HMBOX1: variants seen among roughly 807,000 people sequenced by gnomAD.
HMBOX1 encodes the protein homeobox containing 1, also known as homeobox-containing protein 1.
A neutral mutation model predicts 54.5 loss-of-function variants in HMBOX1; 14 were observed. The ratio of observed to expected loss-of-function variants is 0.26; its 90% CI spans 0.17 to 0.40. The LOEUF (loss-of-function observed/expected upper bound fraction) is 0.40. Among genes scored for constraint, HMBOX1 ranks in the 10% least tolerant of loss-of-function variants. The pLI is 1.00. For missense variants in HMBOX1, 332 were observed against 514.4 expected (o/e 0.65, Z 3.43); for synonymous variants, 160 against 181.0 (o/e 0.88, Z 0.93).
chr8:28,922,346 T>C (rs1817699256), intron 1 of HMBOX1, among the ~76,000 whole-genome samples: 1 of 152,212 alleles, frequency 6.6e-6, no homozygotes, highest in African/African-American at 2.4e-5. Flanking sequence ...TGGATTTTGA[T>C]GTCTGTGGGG....
intron 6 of HMBOX1, among the ~76,000 whole-genome samples, chr8:29,021,105 T>C (rs1205362241): frequency 2.0e-5 from 3 of 152,066 alleles, no homozygotes; most frequent in Admixed American, 6.5e-5. Flanking sequence ...AGCCCAGGAG[T>C]TTGAGGTTAC....
chr8:29,002,294 G>A (rs77596573), intron 4 of HMBOX1, among the ~76,000 whole-genome samples: 4,641 of 152,206 alleles, frequency 0.03, 252 homozygotes, highest in African/African-American at 0.11. Context: ...GGTATCTGTG[G>A]GTGGGGCAGT....
At chr8:29,027,549 G>T (rs2133124106) in intron 6 of HMBOX1, among the ~76,000 whole-genome samples, 1 of 152,266 alleles carries the variant, frequency 6.6e-6, no homozygotes, top group South Asian at 2.1e-4. Flanking sequence ...CCTGGCTATT[G>T]CACCTATTCT....
intron 4 of HMBOX1, among the ~76,000 whole-genome samples, chr8:28,987,284 C>A (rs748822702): frequency 2.0e-5 from 3 of 152,114 alleles, no homozygotes; most frequent in Non-Finnish European, 2.9e-5. Context: ...TGGGGAAAAG[C>A]CTGTACTTAG....
intron 3 of HMBOX1, among the ~76,000 whole-genome samples, chr8:28,972,025 A>G (rs1005867566): frequency 5.3e-5 from 8 of 152,246 alleles, no homozygotes; most frequent in African/African-American, 1.2e-4. Context: ...GATATGTCCA[A>G]TAGTACCACA....
intron 1 of HMBOX1, among the ~76,000 whole-genome samples, chr8:28,933,626 G>A (rs910886835): frequency 2.0e-5 from 3 of 152,118 alleles, no homozygotes; most frequent in Non-Finnish European, 4.4e-5. Flanking sequence ...TATTACTGCA[G>A]AATCTACAAA....
At chr8:28,904,985 C>G (rs1814003660) in intron 1 of HMBOX1, among the ~76,000 whole-genome samples, 1 of 152,146 alleles carries the variant, frequency 6.6e-6, no homozygotes, top group Non-Finnish European at 1.5e-5. Flanking sequence ...TCTTCACACT[C>G]TTATTTTGTT....
intron 4 of HMBOX1, among the ~76,000 whole-genome samples, chr8:28,986,727 C>G (rs771815320): frequency 1.3e-5 from 2 of 152,108 alleles, no homozygotes; most frequent in African/African-American, 4.8e-5. Flanking sequence ...TGTTTTGCAG[C>G]CTCAGGGGAA....
At chr8:28,934,846 G>T (rs1253068848) in intron 1 of HMBOX1, among the ~76,000 whole-genome samples, 1 of 150,900 alleles carries the variant, frequency 6.6e-6, no homozygotes, top group Non-Finnish European at 1.5e-5. Flanking sequence ...AGAATGGCGT[G>T]AACCCGGGAG....
chr8:29,040,128 C>T (rs1804604733), intron 6 of HMBOX1, among the ~76,000 whole-genome samples: 1 of 152,292 alleles, frequency 6.6e-6, no homozygotes, highest in East Asian at 1.9e-4. Context: ...AGAGATATCA[C>T]TCTTTTCTGA....
intron 6 of HMBOX1, among the ~76,000 whole-genome samples, chr8:29,036,643 T>A (rs1803921464): frequency 6.6e-6 from 1 of 152,192 alleles, no homozygotes; most frequent in Non-Finnish European, 1.5e-5. Flanking sequence ...TTCCAGGAAC[T>A]CTTGTGAAAT....
At chr8:28,966,238 G>T (rs80001782) in intron 2 of HMBOX1, among the ~76,000 whole-genome samples, 2,917 of 152,256 alleles carry the variant, frequency 0.019, 89 homozygotes, top group African/African-American at 0.067. Context: ...AAAATGTATT[G>T]TGAAAAGTTA....
intron 6 of HMBOX1, among the ~76,000 whole-genome samples, chr8:29,026,938 T>C (rs1473596845): frequency 6.6e-6 from 1 of 152,178 alleles, no homozygotes; most frequent in East Asian, 1.9e-4. Flanking sequence ...AAAATGGTTG[T>C]TAATTGTTGA....
At chr8:28,905,121 G>A (rs1446001076) in intron 1 of HMBOX1, among the ~76,000 whole-genome samples, 1 of 152,202 alleles carries the variant, frequency 6.6e-6, no homozygotes, top group African/African-American at 2.4e-5. Flanking sequence ...AAGCATCCTT[G>A]TCAGTTTGTT....
At chr8:28,950,316 G>C (rs372073552) in intron 1 of HMBOX1, among the ~76,000 whole-genome samples, 27 of 152,228 alleles carry the variant, frequency 1.8e-4, no homozygotes, top group East Asian at 1.7e-3. Flanking sequence ...GCTTATAAAA[G>C]ACTTACATGT....
chr8:29,004,542 C>G (rs576704470), intron 4 of HMBOX1, among the ~76,000 whole-genome samples: 1 of 152,184 alleles, frequency 6.6e-6, no homozygotes, highest in Non-Finnish European at 1.5e-5. Flanking sequence ...TAGCCTGATG[C>G]AGCTGCTCAG....
At chr8:28,915,241 A>G (rs1453639254) in intron 1 of HMBOX1, among the ~76,000 whole-genome samples, 1 of 152,182 alleles carries the variant, frequency 6.6e-6, no homozygotes, top group Non-Finnish European at 1.5e-5. Flanking sequence ...AAAAAGAAAC[A>G]GATGAAATTC....
intron 4 of HMBOX1, among the ~76,000 whole-genome samples, chr8:28,981,171 G>A (rs970342327): frequency 6.6e-6 from 1 of 152,124 alleles, no homozygotes; most frequent in African/African-American, 2.4e-5. Context: ...GAGTTTAGAA[G>A]TCTTATATTT....
rs542620289 is a variant in HMBOX1 at position 28,943,932 on chromosome 8, G to C, written c.-57-19879G>C. 2.0e-5 allele frequency among the ~76,000 whole-genome samples: 3 copies of C among 152,282 alleles called. No homozygotes were observed. The South Asian group carries it at 6.2e-4, about 32-fold the overall frequency. On this transcript the variant is annotated intron_variant, in intron 1 of 9. Transcript: ENST00000287701. ...CAGCCTCCCAACTTTTAAATACTGT[G>C]TAGGTCAAAATACGTCCACAGGATT...
Sources: allele counts gnomAD v4.1 joint callset (sites outside exome capture counted in the v4.1 genomes callset), GRCh38; gene constraint gnomAD v4.1.1; transcripts MANE v1.5; gene names NCBI Gene and HGNC (gene_info 2026-07-23, HGNC 2026-07-21).